COQ8B: variants seen among roughly 807,000 people sequenced by gnomAD.
The protein encoded by COQ8B is atypical kinase COQ8B, mitochondrial.
Under a neutral mutation model 62.0 loss-of-function variants are expected in COQ8B, and 44 were observed. The observed-to-expected ratio is 0.71, with a 90% CI of 0.56 to 0.91. The LOEUF (loss-of-function observed/expected upper bound fraction) is 0.91, where lower values mean the gene tolerates loss of function less well. Ranked by LOEUF, COQ8B falls within the 40% of genes least tolerant of loss-of-function variation. COQ8B has a pLI of 0.00. For missense variants in COQ8B, 649 were observed against 731.6 expected (o/e 0.89, Z 1.30); for synonymous variants, 252 against 289.9 (o/e 0.87, Z 1.33).
At chr19:40,712,224 G>T (rs2082147317) in intron 4 of COQ8B, among the ~76,000 whole-genome samples, 1 of 151,640 alleles carries the variant, frequency 6.6e-6, no homozygotes, top group Non-Finnish European at 1.5e-5. Context: ...GGATCACGAG[G>T]TGAGGAGTTC....
At chr19:40,694,284 C>T (rs950352088) in intron 13 of COQ8B, among the ~76,000 whole-genome samples, 5 of 152,236 alleles carry the variant, frequency 3.3e-5, no homozygotes, top group Non-Finnish European at 7.3e-5. Context: ...CCCCTCTCCA[C>T]AGCTGCCCTG....
chr19:40,693,819 C>T (rs980962513), intron 13 of COQ8B, among the ~76,000 whole-genome samples: 5 of 152,108 alleles, frequency 3.3e-5, no homozygotes, highest in Admixed American at 1.3e-4. Flanking sequence ...GAGGTGGGCA[C>T]GGGGGTCCCT....
rs1392190766 is a variant in COQ8B at position 40,716,865 on chromosome 19, G to A, written c.-282C>T. The A allele has an allele frequency of 8.8e-6, 2 of 227,762 alleles. No homozygotes were observed. Among genetic ancestry groups the A allele is most frequent in the East Asian group, 1.6e-4 (2 of 12,228 alleles). 14.1% of individuals were successfully genotyped at this position (227,762 alleles called of 1,614,324 possible). ...CCCCGGTGCCCTAGATGCATACCTGGCCGCGCTTCGGATGCTCAGAGGCAA... is the reference window on the plus strand; with the variant it reads ...CCCCGGTGCCCTAGATGCATACCTGACCGCGCTTCGGATGCTCAGAGGCAA... On this transcript the variant is annotated 5_prime_UTR_variant, in exon 1 of 15. Transcript: ENST00000324464.
rs761725676 is a variant in COQ8B, at chr19:40,714,604, C to T, written c.29G>A (p.Arg10Gln). Residue 10 changes from arginine (R) to glutamine (Q), a missense_variant, in exon 2 of 15, where the codon CGG (arginine) becomes CAG (glutamine). Transcript: ENST00000324464. ...CTGGCCCAGCTGTCCACCGGTCCCC[C>T]GAAGTAGGCCCCCCACCTTCAGCCA... MWLKVGGLLRGTGGQLGQTV... is the reference protein window; with the variant it reads MWLKVGGLLQGTGGQLGQTV... The T allele has an allele frequency of 6.2e-6, 10 of 1,611,046 alleles. No individual in the cohort carries two copies. The highest frequency in any genetic ancestry group is 2.5e-6 in the Non-Finnish European group (3 of 1,178,670).
rs2081974691 is a variant in COQ8B at position 40,691,933 on chromosome 19, A to C, written c.*102T>G. ...GGAGGAGAGCCAGGCAAGACTGGGA[A>C]GCCCAAGGGGGCTCCTCTGACCCAG... On this transcript the variant is annotated 3_prime_UTR_variant, in exon 15 of 15. Coordinates refer to ENST00000324464, the MANE Select transcript of COQ8B (RefSeq NM_024876.4). 3 of 1,142,068 alleles carry C rather than the reference A, an allele frequency of 2.6e-6. No homozygotes were observed. The South Asian group carries it at 7.5e-5, about 29-fold the overall frequency. The allele number at this position is 1,142,068 out of a possible 1,614,324, so 70.7% of individuals were successfully genotyped here.
intron 10 of COQ8B, chr19:40,700,732 C>G (rs904846704): frequency 9.0e-6 from 4 of 446,520 alleles, no homozygotes; most frequent in African/African-American, 7.8e-5. Context: ...TCTATGACTT[C>G]TGGTTGCCCC....
chr19:40,703,474 C>A, intron 9 of COQ8B, 67 bp downstream of exon 9: 1 of 1,481,836 alleles, frequency 6.7e-7, no homozygotes, highest in Non-Finnish European at 9.0e-7. Context: ...TGGGCTCCCC[C>A]TCCTGCTTTC....
Position 40,692,223 on chromosome 19 carries a change from C to T in COQ8B, c.1447G>A (p.Glu483Lys), listed in dbSNP as rs398122980. Residue 483 changes from glutamate to lysine, a missense_variant, in exon 15 of 15, where the codon GAG becomes AAG. Physicochemically the swap from Glu to Lys is moderately conservative, Grantham distance 56. Coordinates refer to ENST00000324464, the MANE Select transcript of COQ8B (RefSeq NM_024876.4). ...TTGCGGTGCAGGGCATAGGTCTCCT[C>T]GGGTGGGGGACACAGCCGGTGCCGC... ...LLRHRLCPPP[E>K]ETYALHRKLA... 8.7e-6 allele frequency: 14 copies of T among 1,606,426 alleles called. No homozygotes were observed. In the East Asian group the frequency reaches 1.4e-4, roughly 15 times the overall value.
chr19:40,702,435 G>T (rs748906097), intron 10 of COQ8B, among the ~76,000 whole-genome samples, 165 bp downstream of exon 10: 4 of 152,132 alleles, frequency 2.6e-5, no homozygotes, highest in Non-Finnish European at 4.4e-5. Context: ...GGACAAAGGG[G>T]GTAAGCGAAG....
At chr19:40,700,536 G>T in intron 10 of COQ8B, 85 bp from the exon 11 acceptor site, 1 of 1,507,936 alleles carries the variant, frequency 6.6e-7, no homozygotes, top group Non-Finnish European at 8.9e-7. Flanking sequence ...GCTCTCAGAA[G>T]TCCTCCATGA....
At chr19:40,703,492 G>A in intron 9 of COQ8B, 49 bp downstream of exon 9, 1 of 1,532,460 alleles carries the variant, frequency 6.5e-7, no homozygotes. Flanking sequence ...TTCTCTCTCT[G>A]GGCATAGCCC....
chr19:40,713,343 T>C (rs185490222), intron 4 of COQ8B, among the ~76,000 whole-genome samples: 3 of 152,200 alleles, frequency 2.0e-5, no homozygotes, highest in African/African-American at 7.2e-5. Context: ...GTGCCAAAGC[T>C]CTACCACTGC....
At chr19:40,700,653 C>G (rs973448030) in intron 10 of COQ8B, 38 of 625,926 alleles carry the variant, frequency 6.1e-5, no homozygotes, top group Non-Finnish European at 8.9e-5. Context: ...TCCAAGGTGC[C>G]TACTCTGCAC....
intron 7 of COQ8B, 103 bp downstream of exon 7, chr19:40,704,993 G>T: frequency 9.2e-7 from 1 of 1,089,486 alleles, no homozygotes; most frequent in Non-Finnish European, 1.3e-6. Flanking sequence ...TGGGGAAAGT[G>T]AGGCTCAGAG....
At chr19:40,714,870 G>C in intron 1 of COQ8B, 1 of 1,307,968 alleles carries the variant, frequency 7.6e-7, no homozygotes, top group Non-Finnish European at 9.7e-7. Flanking sequence ...CGTTGCTAGG[G>C]TCCGCCCCCG....
intron 12 of COQ8B, 87 bp from the exon 13 acceptor site, chr19:40,696,141 C>A: frequency 1.4e-6 from 2 of 1,436,602 alleles, no homozygotes; most frequent in South Asian, 1.1e-5. Context: ...GTCTCCCTCC[C>A]CATGACCCTG....
intron 5 of COQ8B, among the ~76,000 whole-genome samples, chr19:40,709,237 T>C (rs1006133684): frequency 1.4e-4 from 22 of 152,214 alleles, no homozygotes; most frequent in African/African-American, 5.3e-4. Flanking sequence ...AGATTTTCCA[T>C]TTGTCTCCAA....
intron 13 of COQ8B, among the ~76,000 whole-genome samples, chr19:40,695,760 G>A (rs539811574): frequency 3.9e-5 from 6 of 152,280 alleles, no homozygotes; most frequent in Admixed American, 2.0e-4. Context: ...GCCTAAAAAC[G>A]GTCCTTTTCG....
intron 4 of COQ8B, among the ~76,000 whole-genome samples, chr19:40,712,756 C>T (rs1599639787): frequency 6.6e-6 from 1 of 152,304 alleles, no homozygotes; most frequent in East Asian, 1.9e-4. Flanking sequence ...TGGTTGCAAC[C>T]CACTAAATTA....
Sources: gnomAD v4.1 joint callset for allele counts (sites outside exome capture counted in the v4.1 genomes callset) on GRCh38, gnomAD v4.1.1 for gene constraint, MANE v1.5 for transcripts, NCBI Gene and HGNC (gene_info 2026-07-23, HGNC 2026-07-21) for gene names.